TM6SF1: variants seen among roughly 807,000 people sequenced by gnomAD.
TM6SF1 encodes transmembrane 6 superfamily member 1.
A neutral mutation model predicts 47.1 loss-of-function variants in TM6SF1; 43 were observed. The observed-to-expected ratio is 0.91, with a 90% CI of 0.72 to 1.18. TM6SF1 has a LOEUF of 1.18. Among genes scored for constraint, TM6SF1 ranks in the 50% most tolerant of loss-of-function variants. The pLI is 0.00. For missense variants in TM6SF1, 390 were observed against 449.0 expected, an observed-to-expected ratio of 0.87 and a Z score of 1.19; for synonymous variants, 177 against 166.3, an observed-to-expected ratio of 1.06 and a Z score of -0.49.
intron 8 of TM6SF1, 114 bp downstream of exon 8, chr15:83,126,961 G>A (rs1271197188): frequency 2.1e-5 from 16 of 771,300 alleles, no homozygotes; most frequent in Middle Eastern, 2.8e-4. Context: ...GGGAGGCCGA[G>A]GCAGGTTGAT....
chr15:83,125,378 C>T (rs1331829718), intron 7 of TM6SF1, among the ~76,000 whole-genome samples: 1 of 152,170 alleles, frequency 6.6e-6, no homozygotes, highest in Non-Finnish European at 1.5e-5. Context: ...AGGAAAAAGA[C>T]TCACAGGCTT....
intron 3 of TM6SF1, among the ~76,000 whole-genome samples, chr15:83,119,142 C>T (rs925448713): frequency 1.3e-5 from 2 of 152,136 alleles, no homozygotes; most frequent in Non-Finnish European, 2.9e-5. Flanking sequence ...ATGCCCAGCC[C>T]AGCAAGCCAC....
In TM6SF1 at chr15:83,115,895, G is replaced by C. The variant is rs2034617780; in HGVS notation, c.247G>C (p.Glu83Gln). Reference protein sequence around the residue: ...TSVVNLIIGLEQDGIIDGFMT... With the variant: ...TSVVNLIIGLQQDGIIDGFMT... ...CGTGGTGAACCTCATCATAGGACTG[G>C]AGCAAGATGGAATCATTGACGGGTT... The change falls in exon 3 of 10, where the codon GAG (glutamate) becomes CAG (glutamine). Residue 83 changes from glutamate to glutamine, a missense_variant. Physicochemically the swap from Glu to Gln is conservative, Grantham distance 29. Transcript: ENST00000322019. 10 of 1,614,146 alleles carry C rather than the reference G, an allele frequency of 6.2e-6. No individual in the cohort carries two copies. Among genetic ancestry groups the C allele is most frequent in the Non-Finnish European group, 8.5e-6 (10 of 1,180,024 alleles).
intron 1 of TM6SF1, among the ~76,000 whole-genome samples, chr15:83,112,380 G>A (rs1461154469): frequency 6.6e-6 from 1 of 152,176 alleles, no homozygotes; most frequent in African/African-American, 2.4e-5. Context: ...CAGTCTGAGG[G>A]TTTCTGACTG....
intron 9 of TM6SF1, chr15:83,135,059 A>C (rs1202368163): frequency 6.6e-6 from 1 of 152,216 alleles, no homozygotes; most frequent in African/African-American, 2.4e-5. Context: ...CTCATGGATC[A>C]CAATGTAGAC....
In TM6SF1 at chr15:83,115,843, A is replaced by T. The variant is rs756347647; in HGVS notation, c.197-2A>T. The stretch of plus-strand genomic sequence containing the variant: ...TTTAAACTGCTGCTTTCTTTGCTCT[A>T]GTGTATGCAGTTTTTGGATTTACCA... On this transcript the variant is annotated splice_acceptor_variant, in intron 2 of 9. Coordinates refer to ENST00000322019, the MANE Select transcript of TM6SF1 (RefSeq NM_023003.5). LOFTEE classifies it high-confidence loss of function. 3.9e-5 allele frequency: 63 copies of T among 1,609,746 alleles called. No homozygotes were observed. Among genetic ancestry groups the T allele is most frequent in the Non-Finnish European group, 5.3e-5 (62 of 1,176,138 alleles).
In TM6SF1 at chr15:83,107,909, C is replaced by T; in HGVS notation, c.92+137C>T. 7.6e-7 allele frequency: 1 copy of T among 1,307,190 alleles called. No homozygotes were observed. Among genetic ancestry groups the T allele is most frequent in the Non-Finnish European group, 9.7e-7 (1 of 1,027,866 alleles). 81.0% of individuals were successfully genotyped at this position (1,307,190 alleles called of 1,614,324 possible). On this transcript the variant is annotated intron_variant, in intron 1 of 9. Transcript: ENST00000322019. The surrounding 1 kb of genome is among the most constrained non-coding windows in gnomAD (Gnocchi z 5.6). ...GAGGTTCGTGGCCGCAGGGGCTCCC[C>T]GCGCCTGGCCAGACTAGGGGGGCGC...
In TM6SF1 at chr15:83,126,796, G is replaced by A. The variant is rs1356161754; in HGVS notation, c.750G>A (p.Thr250=). ...CATCTGAGCTCTGCCGATTATATACGCAATTTCAAGAGCCCTATCTAAAGG... is the reference window on the plus strand; with the variant it reads ...CATCTGAGCTCTGCCGATTATATACACAATTTCAAGAGCCCTATCTAAAGG... ...DCPSELCRLY[T]QFQEPYLKDP... The change falls in exon 8 of 10, where the codon ACG becomes ACA. Residue 250 remains threonine, a synonymous_variant. Coordinates refer to ENST00000322019, the MANE Select transcript of TM6SF1 (RefSeq NM_023003.5). The A allele has an allele frequency of 5.6e-6, 9 of 1,613,728 alleles. No homozygotes were observed. The highest frequency in any genetic ancestry group is 7.6e-6 in the Non-Finnish European group (9 of 1,179,814).
chr15:83,135,339 CTT>C (rs1596535503), intron 9 of TM6SF1: 2 of 152,302 alleles, frequency 1.3e-5, no homozygotes, highest in East Asian at 3.9e-4. Context: ...TGTAAAATAA[CTT>C]ATATGTATTT....
chr15:83,128,875 G>A (rs1174223422), intron 9 of TM6SF1: 1 of 151,994 alleles, frequency 6.6e-6, no homozygotes, highest in Non-Finnish European at 1.5e-5. Flanking sequence ...CCATCTCCCA[G>A]GCTGGAGTGT....
intron 1 of TM6SF1, among the ~76,000 whole-genome samples, chr15:83,112,141 A>G (rs147740970): frequency 3.7e-4 from 57 of 152,140 alleles, no homozygotes; most frequent in African/African-American, 1.3e-3. Context: ...GGATGTACTC[A>G]ACTAAGCTTC....
At chr15:83,120,162 A>G (rs1299157338) in intron 4 of TM6SF1, 3 of 162,328 alleles carry the variant, frequency 1.8e-5, no homozygotes, top group Admixed American at 1.7e-4. Context: ...GTGTATGTAC[A>G]AGGGATTAAA....
At chr15:83,115,635 A>ACTCT in intron 2 of TM6SF1, 1 of 680,618 alleles carries the variant, frequency 1.5e-6, no homozygotes, top group Non-Finnish European at 2.7e-6. Flanking sequence ...CCTTGATGAG[A>ACTCT]GTACTTAGGC....
At chr15:83,132,440 C>T (rs1378798503) in intron 9 of TM6SF1, 2 of 152,218 alleles carry the variant, frequency 1.3e-5, no homozygotes, top group African/African-American at 2.4e-5. Context: ...TCAGGTGCTG[C>T]CCTCAGACTC....
intron 7 of TM6SF1, 94 bp downstream of exon 7, chr15:83,124,870 A>T (rs17507693): frequency 0.22 from 246,185 of 1,108,886 alleles, 28,601 homozygotes; most frequent in African/African-American, 0.34. Flanking sequence ...TTTTTCCATC[A>T]GACTTCTTAG....
chr15:83,121,800 A>G, intron 4 of TM6SF1, 121 bp from the exon 5 acceptor site: 1 of 730,396 alleles, frequency 1.4e-6, no homozygotes, highest in Non-Finnish European at 2.3e-6. Flanking sequence ...CTCTCAATTC[A>G]ATATGTTTTG....
At chr15:83,134,812 A>T (rs1055046127) in intron 9 of TM6SF1, 2 of 152,246 alleles carry the variant, frequency 1.3e-5, no homozygotes, top group South Asian at 2.1e-4. Context: ...GCTTGGTTAT[A>T]TATTCAGAAA....
At chr15:83,109,511 C>T (rs994601237) in intron 1 of TM6SF1, among the ~76,000 whole-genome samples, 1 of 152,188 alleles carries the variant, frequency 6.6e-6, no homozygotes, top group Non-Finnish European at 1.5e-5. Context: ...GCCATTCTTC[C>T]TGTCCTCTTG....
At chr15:83,108,867 G>C (rs1035613331) in intron 1 of TM6SF1, among the ~76,000 whole-genome samples, 2 of 152,240 alleles carry the variant, frequency 1.3e-5, no homozygotes, top group African/African-American at 4.8e-5. Context: ...GGCACCAGCA[G>C]TGTCTACCCT....
Sources: gnomAD v4.1 joint callset for allele counts (sites outside exome capture counted in the v4.1 genomes callset) on GRCh38, gnomAD v4.1.1 for gene constraint, Gnocchi (gnomAD v3.1) non-coding constraint, MANE v1.5 for transcripts, NCBI Gene and HGNC (gene_info 2026-07-23, HGNC 2026-07-21) for gene names.